SSUH2: variants seen among roughly 807,000 people sequenced by gnomAD.
SSUH2 encodes the protein ssu-2 homolog, also known as protein SSUH2 homolog.
A neutral mutation model predicts 55.3 loss-of-function variants in SSUH2; 47 were observed. That is an observed-to-expected ratio of 0.85 (90% CI 0.67 to 1.08). The LOEUF is 1.08. Among genes scored for constraint, SSUH2 ranks in the 50% least tolerant of loss-of-function variants. The pLI, the probability that SSUH2 is intolerant of heterozygous loss-of-function variation, is 0.00. For synonymous variants in SSUH2, 212 were observed against 191.5 expected (o/e 1.11, Z -0.89); for missense variants, 535 against 490.7 (o/e 1.09, Z -0.85).
intron 1 of SSUH2, among the ~76,000 whole-genome samples, chr3:8,640,699 A>G (rs1160827550): frequency 1.3e-5 from 2 of 152,200 alleles, no homozygotes; most frequent in Admixed American, 6.5e-5. Context: ...AGAGAGAAGC[A>G]TGAATAGTTG....
intron 7 of SSUH2, among the ~76,000 whole-genome samples, 156 bp from the exon 8 acceptor site, chr3:8,627,939 C>A (rs933319167): frequency 6.6e-6 from 1 of 152,182 alleles, no homozygotes; most frequent in Non-Finnish European, 1.5e-5. Flanking sequence ...GATGGGGTAT[C>A]TTTGGATCCT....
chr3:8,672,537 G>A (rs924454877), intron 3 of SSUH2, among the ~76,000 whole-genome samples: 3 of 151,866 alleles, frequency 2.0e-5, no homozygotes, highest in African/African-American at 7.3e-5. Context: ...TGCCATATTG[G>A]GAGTCTTATC....
intron 5 of SSUH2, among the ~76,000 whole-genome samples, chr3:8,665,937 T>G (rs1301304944): frequency 1.3e-5 from 2 of 152,166 alleles, no homozygotes; most frequent in African/African-American, 4.8e-5. Context: ...TGAGAAATGA[T>G]GTTCACTACA....
At chr3:8,660,811 C>A (rs1703404179) in intron 6 of SSUH2, among the ~76,000 whole-genome samples, 1 of 152,194 alleles carries the variant, frequency 6.6e-6, no homozygotes, top group African/African-American at 2.4e-5. Flanking sequence ...GTTCAATGCT[C>A]AGCTTTTTGG....
At chr3:8,625,794 C>T in intron 9 of SSUH2, 147 bp from the exon 10 acceptor site, 4 of 607,522 alleles carry the variant, frequency 6.6e-6, no homozygotes, top group Middle Eastern at 5.3e-4. Context: ...GAGCCTCAGT[C>T]TCCTCACCTG....
chr3:8,654,685 C>G (rs1702753924), intron 7 of SSUH2, among the ~76,000 whole-genome samples: 1 of 152,196 alleles, frequency 6.6e-6, no homozygotes. Flanking sequence ...CCCAAGGTCT[C>G]AGTGTGCGGC....
chr3:8,629,244 C>G (rs1698258484), intron 7 of SSUH2: 1 of 168,766 alleles, frequency 5.9e-6, no homozygotes, highest in Admixed American at 6.3e-5. Context: ...TCTACTTTGT[C>G]TCTCCAAGCC....
chr3:8,627,905 A>C, intron 7 of SSUH2, 122 bp from the exon 8 acceptor site: 1 of 695,560 alleles, frequency 1.4e-6, no homozygotes, highest in Non-Finnish European at 2.3e-6. Context: ...TAGCCCCTTC[A>C]TCTGTAAAAT....
At chr3:8,662,706 C>G (rs1217571428) in intron 6 of SSUH2, among the ~76,000 whole-genome samples, 1 of 152,216 alleles carries the variant, frequency 6.6e-6, no homozygotes, top group African/African-American at 2.4e-5. Flanking sequence ...CAGAGAACAT[C>G]ATTACCTACA....
chr3:8,639,590 T>C (rs1225206286), intron 1 of SSUH2, among the ~76,000 whole-genome samples: 1 of 152,212 alleles, frequency 6.6e-6, no homozygotes, highest in African/African-American at 2.4e-5. Flanking sequence ...ACCCACAAGA[T>C]ATTTTTCTTT....
intron 3 of SSUH2, among the ~76,000 whole-genome samples, chr3:8,675,450 C>T (rs1467796109): frequency 2.6e-5 from 4 of 152,138 alleles, no homozygotes; most frequent in Non-Finnish European, 4.4e-5. Flanking sequence ...CCATTGCAGT[C>T]GGGTGTCCCA....
intron 7 of SSUH2, among the ~76,000 whole-genome samples, chr3:8,652,788 G>C (rs1702555506): frequency 6.6e-6 from 1 of 152,096 alleles, no homozygotes; most frequent in South Asian, 2.1e-4. Context: ...GACCATCTCA[G>C]ATGCCCCCTC....
At chr3:8,623,489 G>GAGGGCTC in intron 11 of SSUH2, 60 bp downstream of exon 11, 1 of 1,023,192 alleles carries the variant, frequency 9.8e-7, no homozygotes, top group East Asian at 2.6e-5. Context: ...TCTCAGGAAA[G>GAGGGCTC]AGGGCTCAGC....
intron 1 of SSUH2, among the ~76,000 whole-genome samples, chr3:8,680,204 T>C (rs1705857024): frequency 6.6e-6 from 1 of 152,132 alleles, no homozygotes; most frequent in African/African-American, 2.4e-5. Context: ...GGCCCCCCGT[T>C]TGAGGGCCTT....
intron 5 of SSUH2, among the ~76,000 whole-genome samples, chr3:8,669,863 C>T (rs1287075997): frequency 5.4e-5 from 5 of 91,960 alleles, no homozygotes; most frequent in Non-Finnish European, 1.4e-4. Context: ...TGTCACAGAT[C>T]GGAGGAGAAC....
At chr3:8,637,681 C>T (rs549394256) in intron 1 of SSUH2, among the ~76,000 whole-genome samples, 1 of 152,324 alleles carries the variant, frequency 6.6e-6, no homozygotes, top group African/African-American at 2.4e-5. Context: ...AGACAAGAAT[C>T]CCTTGGTTCT....
chr3:8,661,216 G>A (rs1407768169), intron 6 of SSUH2, among the ~76,000 whole-genome samples: 1 of 152,162 alleles, frequency 6.6e-6, no homozygotes, highest in Non-Finnish European at 1.5e-5. Context: ...ATGCACCTCT[G>A]TGCTTTCACT....
chr3:8,657,793 G>A (rs1382504555), intron 7 of SSUH2, among the ~76,000 whole-genome samples: 6 of 152,350 alleles, frequency 3.9e-5, no homozygotes, highest in South Asian at 2.1e-4. Context: ...TGTAGACTCC[G>A]ACACCCTGGC....
chr3:8,638,730 A>G (rs1252462167), intron 1 of SSUH2, among the ~76,000 whole-genome samples: 1 of 152,164 alleles, frequency 6.6e-6, no homozygotes, highest in Non-Finnish European at 1.5e-5. Context: ...CCTCCAACCT[A>G]AGAAGGGTGG....
Sources: gnomAD v4.1 joint callset for allele counts (sites outside exome capture counted in the v4.1 genomes callset) on GRCh38, gnomAD v4.1.1 for gene constraint, MANE v1.5 for transcripts, NCBI Gene and HGNC (gene_info 2026-07-23, HGNC 2026-07-21) for gene names.